Variants in DOCK4 observed in about 807,000 individuals in gnomAD.
DOCK4 encodes dedicator of cytokinesis 4.
Under a neutral mutation model 268.1 loss-of-function variants are expected in DOCK4, and 97 were observed. The observed-to-expected ratio is 0.36, with a 90% confidence interval of 0.31 to 0.43. DOCK4 has a LOEUF of 0.43. Among genes scored for constraint, DOCK4 ranks in the 20% least tolerant of loss-of-function variants. DOCK4 has a pLI of 1.00. For missense variants in DOCK4, 2,145 were observed against 2,455.7 expected (o/e 0.87, Z 2.67); for synonymous variants, 954 against 887.2 (o/e 1.08, Z -1.34).
At chr7:111,808,330 A>T (rs1800827500) in intron 30 of DOCK4, 1 of 154,506 alleles carries the variant, frequency 6.5e-6, no homozygotes, top group South Asian at 2.0e-4. Flanking sequence ...ATTGGATCCA[A>T]CAGTTTCTTA....
intron 8 of DOCK4, among the ~76,000 whole-genome samples, chr7:111,948,975 A>G (rs1373310131): frequency 6.6e-6 from 1 of 152,160 alleles, no homozygotes; most frequent in Non-Finnish European, 1.5e-5. Context: ...AAAACTCCAA[A>G]AAGATTTAAG....
chr7:112,109,583 T>C (rs1024080066), intron 1 of DOCK4, among the ~76,000 whole-genome samples: 1 of 152,202 alleles, frequency 6.6e-6, no homozygotes, highest in African/African-American at 2.4e-5. Flanking sequence ...TAAGAATGTA[T>C]TGATTTTCAG....
chr7:112,163,846 A>G lies in DOCK4; in HGVS notation c.37+42256T>C, dbSNP rs184008981. 4.8e-3 allele frequency among the ~76,000 whole-genome samples: 733 copies of G among 152,290 alleles called. 6 individuals are homozygous for G. Among genetic ancestry groups the G allele is most frequent in the South Asian group, 0.022 (106 of 4,828 alleles). ...CATGGAAAAATTCATGATCAGTTAG[A>G]ACTGCAAGGGGCTAAGCAAGCACAC... On this transcript the variant is annotated intron_variant, in intron 1 of 52. Coordinates refer to ENST00000428084, the MANE Select transcript of DOCK4 (RefSeq NM_001363540.2).
chr7:111,914,082 C>A (rs891493524), intron 13 of DOCK4, among the ~76,000 whole-genome samples: 1 of 152,070 alleles, frequency 6.6e-6, no homozygotes, highest in African/African-American at 2.4e-5. Flanking sequence ...GAAATTTTAA[C>A]GAGACTCCTT....
chr7:111,915,269 T>C (rs1041521821), intron 13 of DOCK4, among the ~76,000 whole-genome samples: 5 of 152,192 alleles, frequency 3.3e-5, no homozygotes, highest in African/African-American at 4.8e-5. Flanking sequence ...GGCACTAATA[T>C]AGATCTAAAT....
chr7:111,908,016 T>C (rs1035469112), intron 13 of DOCK4, among the ~76,000 whole-genome samples: 2 of 152,078 alleles, frequency 1.3e-5, no homozygotes, highest in East Asian at 3.9e-4. Context: ...GTGTGTGCCA[T>C]CATGCCCAAC....
At chr7:112,090,155 T>C (rs1473359426) in intron 1 of DOCK4, among the ~76,000 whole-genome samples, 3 of 152,246 alleles carry the variant, frequency 2.0e-5, no homozygotes, top group African/African-American at 2.4e-5. Context: ...ATCACACAAA[T>C]AAATGCATAA....
intron 7 of DOCK4, among the ~76,000 whole-genome samples, chr7:111,978,151 G>A (rs1485670467): frequency 2.0e-5 from 3 of 152,198 alleles, no homozygotes; most frequent in Non-Finnish European, 2.9e-5. Context: ...CTATCTACTA[G>A]GGGAAGCAGA....
intron 16 of DOCK4, among the ~76,000 whole-genome samples, chr7:111,882,159 A>G (rs1030681684): frequency 6.6e-6 from 1 of 152,360 alleles, no homozygotes; most frequent in Non-Finnish European, 1.5e-5. Flanking sequence ...TATGCATTGC[A>G]TGCTTATACC....
intron 8 of DOCK4, among the ~76,000 whole-genome samples, chr7:111,963,327 T>C (rs1450822984): frequency 1.4e-5 from 2 of 139,932 alleles, no homozygotes; most frequent in Non-Finnish European, 3.0e-5. Flanking sequence ...TGCCAGACAG[T>C]GGGCGCAGGC....
intron 1 of DOCK4, among the ~76,000 whole-genome samples, chr7:112,149,551 T>C (rs1815853240): frequency 6.7e-6 from 1 of 149,048 alleles, no homozygotes; most frequent in Non-Finnish European, 1.5e-5. Flanking sequence ...ATAAAAAACA[T>C]ACAACATATC....
intron 1 of DOCK4, among the ~76,000 whole-genome samples, chr7:112,033,068 G>A (rs553853702): frequency 2.0e-4 from 31 of 152,192 alleles, no homozygotes; most frequent in African/African-American, 6.5e-4. Flanking sequence ...AAACAATCTA[G>A]TAAGAGACAC....
rs750616981 is a variant in DOCK4 at position 111,741,089 on chromosome 7, A to T, written c.5040+5T>A. The T allele has an allele frequency of 1.2e-6, 2 of 1,613,070 alleles. No individual in the cohort carries two copies. Among genetic ancestry groups the T allele is most frequent in the Non-Finnish European group, 1.7e-6 (2 of 1,179,710 alleles). Reference sequence around the variant, plus strand: ...ACACAACCAGACAAAAAGCTAATTAAGTACCTGCATGTTAAAGACTTCATC... The same window carrying T: ...ACACAACCAGACAAAAAGCTAATTATGTACCTGCATGTTAAAGACTTCATC... On this transcript the variant is annotated splice_donor_5th_base_variant and intron_variant, in intron 47 of 52. Coordinates refer to ENST00000428084, the MANE Select transcript of DOCK4 (RefSeq NM_001363540.2).
intron 1 of DOCK4, among the ~76,000 whole-genome samples, chr7:112,092,774 A>G (rs1027441003): frequency 2.6e-5 from 4 of 152,182 alleles, no homozygotes; most frequent in African/African-American, 7.2e-5. Flanking sequence ...CATAATCACT[A>G]TTCCAGTTTT....
intron 10 of DOCK4, among the ~76,000 whole-genome samples, chr7:111,942,001 T>C (rs931521617): frequency 6.6e-5 from 10 of 152,218 alleles, no homozygotes; most frequent in African/African-American, 1.9e-4. Flanking sequence ...CTAATTACTA[T>C]ACTGGAAAGA....
At chr7:112,075,640 G>A (rs755749880) in intron 1 of DOCK4, among the ~76,000 whole-genome samples, 12 of 152,054 alleles carry the variant, frequency 7.9e-5, no homozygotes, top group Non-Finnish European at 1.8e-4. Flanking sequence ...AAACTGATAC[G>A]ACAACATTAA....
intron 51 of DOCK4, among the ~76,000 whole-genome samples, chr7:111,733,513 T>G (rs1474979797): frequency 6.6e-6 from 1 of 152,104 alleles, no homozygotes. Flanking sequence ...GAAAATCACA[T>G]CTGTATGGAG....
chr7:112,015,974 T>G (rs1171155161), intron 1 of DOCK4, among the ~76,000 whole-genome samples: 1 of 152,228 alleles, frequency 6.6e-6, no homozygotes, highest in Admixed American at 6.5e-5. Flanking sequence ...AATCATTTCT[T>G]AAGGTCCCAC....
chr7:111,948,537 A>G (rs1291378661), intron 8 of DOCK4, among the ~76,000 whole-genome samples: 1 of 152,078 alleles, frequency 6.6e-6, no homozygotes, highest in African/African-American at 2.4e-5. Context: ...ATCCTGATTT[A>G]GCAGGTTTCA....
Sources: gnomAD v4.1 joint callset for allele counts (sites outside exome capture counted in the v4.1 genomes callset) on GRCh38, gnomAD v4.1.1 for gene constraint, MANE v1.5 for transcripts, NCBI Gene and HGNC (gene_info 2026-07-23, HGNC 2026-07-21) for gene names.